INSYN2B: variants seen among roughly 807,000 people sequenced by gnomAD.
INSYN2B encodes inhibitory synaptic factor family member 2B.
Under a neutral mutation model 41.2 loss-of-function variants are expected in INSYN2B, and 16 were observed. That is an observed-to-expected ratio of 0.39 (90% confidence interval 0.26 to 0.59). INSYN2B has a LOEUF of 0.59. Ranked by LOEUF, INSYN2B falls within the 20% of genes least tolerant of loss-of-function variation. The pLI is 0.57. For synonymous variants in INSYN2B, 245 were observed against 244.4 expected, an observed-to-expected ratio of 1.00 and a Z score of -0.02; for missense variants, 608 against 646.4, an observed-to-expected ratio of 0.94 and a Z score of 0.64.
intron 2 of INSYN2B, among the ~76,000 whole-genome samples, chr5:169,882,088 A>T (rs1171370445): frequency 6.6e-6 from 1 of 152,206 alleles, no homozygotes; most frequent in Non-Finnish European, 1.5e-5. Context: ...TCATCAAAGT[A>T]GTCAGTACAG....
At chr5:169,977,871 A>G (rs1777771435) in intron 1 of INSYN2B, among the ~76,000 whole-genome samples, 4 of 152,182 alleles carry the variant, frequency 2.6e-5, no homozygotes, top group South Asian at 2.1e-4. Flanking sequence ...TCCCACTTCC[A>G]GTCCTAGACC....
chr5:169,979,915 T>C (rs971473296), intron 1 of INSYN2B, among the ~76,000 whole-genome samples: 3 of 152,218 alleles, frequency 2.0e-5, no homozygotes, highest in African/African-American at 7.2e-5. Context: ...CCTCCCTTTT[T>C]ATCTTTTAAA....
At chr5:169,924,572 C>A (rs886548133) in intron 1 of INSYN2B, among the ~76,000 whole-genome samples, 4 of 152,106 alleles carry the variant, frequency 2.6e-5, no homozygotes, top group Non-Finnish European at 5.9e-5. Flanking sequence ...CACTGAACAC[C>A]CATCTCATCT....
At chr5:169,958,494 C>A (rs1776954552) in intron 1 of INSYN2B, among the ~76,000 whole-genome samples, 1 of 152,140 alleles carries the variant, frequency 6.6e-6, no homozygotes, top group Non-Finnish European at 1.5e-5. Flanking sequence ...TTTCCATACA[C>A]AGAAAGGGCA....
In INSYN2B at chr5:169,881,348, C is replaced by G. The variant is rs1378218287; in HGVS notation, c.1421+20G>C. ...ATGGCTTTATGGTCTACAGAGCAGG[C>G]CTCGCTTGTGGCCAGGTACCTGTAT... On this transcript the variant is annotated intron_variant, in intron 3 of 3. Coordinates refer to ENST00000377365, the MANE Select transcript of INSYN2B (RefSeq NM_001129891.3). 2.6e-6 allele frequency: 4 copies of G among 1,548,514 alleles called. No homozygotes were observed. The highest frequency in any genetic ancestry group is 1.2e-5 in the South Asian group (1 of 84,000).
In INSYN2B at chr5:169,879,635, T is replaced by C. The variant is rs1459306065; in HGVS notation, c.1421+1733A>G. The stretch of plus-strand genomic sequence containing the variant: ...AGAATGTTTGCTGGAGATGTTTGAA[T>C]TAAGTGCTAGAAAAATGCAAACATT... On this transcript the variant is annotated intron_variant, in intron 3 of 3. Transcript: ENST00000377365. 2.0e-5 allele frequency among the ~76,000 whole-genome samples: 3 copies of C among 152,236 alleles called. No individual in the cohort carries two copies. In the East Asian group the frequency reaches 5.8e-4, roughly 29 times the overall value.
At chr5:169,967,729 G>T (rs1777354839) in intron 1 of INSYN2B, among the ~76,000 whole-genome samples, 1 of 152,200 alleles carries the variant, frequency 6.6e-6, no homozygotes, top group African/African-American at 2.4e-5. Flanking sequence ...CGTTTAGGAG[G>T]CTACTGCAAT....
chr5:169,927,733 C>T (rs892734606), intron 1 of INSYN2B, among the ~76,000 whole-genome samples: 4 of 152,248 alleles, frequency 2.6e-5, no homozygotes, highest in African/African-American at 4.8e-5. Flanking sequence ...TCTCCTGCCT[C>T]AGCCTCCCGA....
intron 1 of INSYN2B, among the ~76,000 whole-genome samples, chr5:169,972,459 T>C (rs1777538009): frequency 6.9e-6 from 1 of 144,568 alleles, no homozygotes; most frequent in Non-Finnish European, 1.5e-5. Context: ...TAGCAACCTC[T>C]CCATCACTTT....
intron 1 of INSYN2B, among the ~76,000 whole-genome samples, chr5:169,945,437 C>A (rs567809780): frequency 6.6e-6 from 1 of 152,238 alleles, no homozygotes; most frequent in Non-Finnish European, 1.5e-5. Context: ...AACAGAAATG[C>A]TAACAAGTGT....
intron 3 of INSYN2B, among the ~76,000 whole-genome samples, chr5:169,873,695 A>G (rs997236165): frequency 4.6e-5 from 7 of 152,234 alleles, no homozygotes; most frequent in African/African-American, 1.7e-4. Context: ...GACTGAGTGC[A>G]TATTGCATTT....
intron 1 of INSYN2B, among the ~76,000 whole-genome samples, chr5:169,907,526 G>A (rs982259052): frequency 3.9e-5 from 6 of 152,192 alleles, no homozygotes; most frequent in Admixed American, 6.5e-5. Flanking sequence ...ACCACTTAGC[G>A]AAGACTAGTT....
intron 1 of INSYN2B, among the ~76,000 whole-genome samples, chr5:169,961,964 G>C (rs1777102875): frequency 5.0e-5 from 1 of 20,122 alleles, no homozygotes; most frequent in African/African-American, 6.2e-4. Flanking sequence ...GGGTGAAAAA[G>C]TGAGACTCTG....
chr5:169,925,578 T>TAAAAAAAAAAAAAAAAAAAA (rs1561828965), intron 1 of INSYN2B, among the ~76,000 whole-genome samples: 1 of 32,324 alleles, frequency 3.1e-5, no homozygotes, highest in African/African-American at 1.3e-4. Flanking sequence ...AGACTCTGTC[T>TAAAAAAAAAAAAAAAAAAAA]TAAAAAAAAA....
chr5:169,906,227 G>A (rs1016022932), intron 1 of INSYN2B, among the ~76,000 whole-genome samples: 8 of 152,124 alleles, frequency 5.3e-5, no homozygotes, highest in South Asian at 2.1e-4. Flanking sequence ...GACGTCAAAC[G>A]CAAGCTTTAC....
intron 1 of INSYN2B, among the ~76,000 whole-genome samples, chr5:169,976,669 T>C (rs1777728137): frequency 6.6e-6 from 1 of 151,666 alleles, no homozygotes; most frequent in African/African-American, 2.4e-5. Flanking sequence ...AGGTGTTAGT[T>C]TCAAATGAAG....
At chr5:169,941,833 C>A (rs903122570) in intron 1 of INSYN2B, among the ~76,000 whole-genome samples, 1 of 152,166 alleles carries the variant, frequency 6.6e-6, no homozygotes, top group African/African-American at 2.4e-5. Context: ...CAGAATAGAA[C>A]CCCACTTCCC....
chr5:169,920,047 T>C (rs1775086356), intron 1 of INSYN2B, among the ~76,000 whole-genome samples: 1 of 152,234 alleles, frequency 6.6e-6, no homozygotes, highest in Non-Finnish European at 1.5e-5. Flanking sequence ...TGTCATTTAA[T>C]CCACAACACA....
At chr5:169,947,876 A>G (rs747888961) in intron 1 of INSYN2B, among the ~76,000 whole-genome samples, 4 of 152,194 alleles carry the variant, frequency 2.6e-5, no homozygotes, top group Non-Finnish European at 5.9e-5. Flanking sequence ...CTGGGTGAGC[A>G]TGAGCATACA....
Sources: gnomAD v4.1 joint callset for allele counts (sites outside exome capture counted in the v4.1 genomes callset) on GRCh38, gnomAD v4.1.1 for gene constraint, MANE v1.5 for transcripts, NCBI Gene and HGNC (gene_info 2026-07-23, HGNC 2026-07-21) for gene names.